CACUL1: variants seen among roughly 807,000 people sequenced by gnomAD.
The protein encoded by CACUL1 is CDK2 associated cullin domain 1.
A neutral mutation model predicts 45.2 loss-of-function variants in CACUL1; 13 were observed. That is an observed-to-expected ratio of 0.29 (90% confidence interval 0.19 to 0.46). The LOEUF is 0.46. CACUL1 is among the 20% of genes least tolerant of loss of function. The pLI is 1.00. For missense variants in CACUL1, 421 were observed against 471.4 expected, an observed-to-expected ratio of 0.89 and a Z score of 0.99; for synonymous variants, 197 against 174.2, an observed-to-expected ratio of 1.13 and a Z score of -1.03.
At chr10:118,709,355 A>G (rs1845463528) in intron 3 of CACUL1, among the ~76,000 whole-genome samples, 1 of 152,218 alleles carries the variant, frequency 6.6e-6, no homozygotes. Flanking sequence ...TGTTTTACAG[A>G]AGTGCATCCA....
At position 118,701,310 on chromosome 10, in the gene CACUL1, T is replaced by G; in HGVS notation, c.792A>C (p.Leu264=). 6.5e-7 allele frequency: 1 copy of G among 1,532,634 alleles called. No individual in the cohort carries two copies. Among genetic ancestry groups the G allele is most frequent in the African/African-American group, 1.4e-5 (1 of 73,582 alleles). The allele number at this position is 1,532,634 out of a possible 1,614,324, so 94.9% of individuals were successfully genotyped here. A position where few individuals can be genotyped will look rare whatever the true frequency, so the allele number is the denominator to read the frequency against. Residue 264 remains leucine, a synonymous_variant, in exon 5 of 9, where the codon CTA becomes CTC. Coordinates refer to ENST00000369151, the MANE Select transcript of CACUL1 (RefSeq NM_153810.5). ...CGTATAAGCTGAATTACTTACGCAT[T>G]AGGCTGTAAATGTGCTTTTCTGCAA... ...EHVAEKHIYS[L]MPLLLEAQST...
Position 118,677,197 on chromosome 10 carries a change from T to C in CACUL1, c.*8931A>G, listed in dbSNP as rs1261369270. 1.3e-5 allele frequency: 2 copies of C among 152,228 alleles called. No individual in the cohort carries two copies. Among genetic ancestry groups the C allele is most frequent in the African/African-American group, 4.8e-5 (2 of 41,454 alleles). The allele number at this position is 152,228 out of a possible 1,614,324, so 9.4% of individuals were successfully genotyped here. A position where few individuals can be genotyped will look rare whatever the true frequency, so the allele number is the denominator to read the frequency against. Reference sequence around the variant, plus strand: ...TTCTATTTTCTAAATTACCTTCCATTGACTTATCTGTTTACCCTGGCATAA... The same window carrying C: ...TTCTATTTTCTAAATTACCTTCCATCGACTTATCTGTTTACCCTGGCATAA... On this transcript the variant is annotated 3_prime_UTR_variant, in exon 9 of 9. Transcript: ENST00000369151.
chr10:118,703,592 C>A (rs562418806), intron 4 of CACUL1, among the ~76,000 whole-genome samples: 1 of 152,066 alleles, frequency 6.6e-6, no homozygotes, highest in South Asian at 2.1e-4. Context: ...CCTAGAGATA[C>A]AATTCTTGAG....
intron 3 of CACUL1, among the ~76,000 whole-genome samples, chr10:118,717,866 T>C (rs1220570144): frequency 6.6e-6 from 1 of 152,024 alleles, no homozygotes; most frequent in African/African-American, 2.4e-5. Flanking sequence ...CCATCCTCCA[T>C]AGCAAGATGT....
chr10:118,724,756 G>A (rs889093248), intron 3 of CACUL1, among the ~76,000 whole-genome samples: 4 of 152,192 alleles, frequency 2.6e-5, no homozygotes, highest in Non-Finnish European at 5.9e-5. Flanking sequence ...AAAGAGGACA[G>A]AGCAAGATAT....
At chr10:118,691,020 C>T (rs1845260155) in intron 7 of CACUL1, among the ~76,000 whole-genome samples, 1 of 152,200 alleles carries the variant, frequency 6.6e-6, no homozygotes, top group Non-Finnish European at 1.5e-5. Context: ...CACTGCATTC[C>T]AGCCTAGAAA....
At chr10:118,743,691 T>C (rs2182306) in intron 1 of CACUL1, among the ~76,000 whole-genome samples, 1,712 of 151,810 alleles carry the variant, frequency 0.011, 18 homozygotes, top group Middle Eastern at 0.027. Flanking sequence ...ATCGCGCCAC[T>C]GCACTCCAGC....
intron 6 of CACUL1, 40 bp downstream of exon 6, chr10:118,695,101 A>C: frequency 8.3e-7 from 1 of 1,208,242 alleles, no homozygotes. Context: ...AAAGGCTGTA[A>C]CAAACAGTTC....
rs1424414436 is a variant in CACUL1, at chr10:118,682,464, G to A, written c.*3664C>T. On this transcript the variant is annotated 3_prime_UTR_variant, in exon 9 of 9. Transcript: ENST00000369151. ...AAGGCAAAATCTGGAGGGGTTACTC[G>A]GCTTAAAAAGAGATTAACCAGGATT... 5.9e-5 allele frequency: 9 copies of A among 152,500 alleles called. No homozygotes were observed. The highest frequency in any genetic ancestry group is 1.2e-4 in the Non-Finnish European group (8 of 68,032). 9.4% of individuals were successfully genotyped at this position (152,500 alleles called of 1,614,324 possible). A position where few individuals can be genotyped will look rare whatever the true frequency, so the allele number is the denominator to read the frequency against.
chr10:118,698,154 T>G lies in CACUL1; in HGVS notation c.797-2924A>C, dbSNP rs564574015. On this transcript the variant is annotated intron_variant, in intron 5 of 8. Coordinates refer to ENST00000369151, the MANE Select transcript of CACUL1 (RefSeq NM_153810.5). ...TTCTGACAAACCTCTTTTGCTTTTT[T>G]TTTTTTTTTTGAGACGGAGTCTCAC... Among the ~76,000 whole-genome samples the G allele has an allele frequency of 4.0e-5, 6 of 151,836 alleles. No homozygotes were observed. The East Asian group carries it at 9.6e-4, about 24-fold the overall frequency.
chr10:118,749,100 A>G (rs1845871818), intron 1 of CACUL1, among the ~76,000 whole-genome samples: 1 of 152,214 alleles, frequency 6.6e-6, no homozygotes, highest in Non-Finnish European at 1.5e-5. Context: ...GTCCTTCACC[A>G]ACTGAGAAAT....
chr10:118,707,929 C>G (rs889439374), intron 3 of CACUL1, among the ~76,000 whole-genome samples: 4 of 152,066 alleles, frequency 2.6e-5, no homozygotes, highest in African/African-American at 9.7e-5. Flanking sequence ...GTGTGGATCA[C>G]TTGAGGTCAG....
chr10:118,738,892 TAAAAAAAAA>T (rs150393133), intron 1 of CACUL1, among the ~76,000 whole-genome samples: 7 of 62,258 alleles, frequency 1.1e-4, no homozygotes, highest in South Asian at 7.7e-4. Context: ...CAAGTGCTCT[TAAAAAAAAA>T]AAAAAAAAAA....
At chr10:118,753,100 C>T (rs1564841474) in intron 1 of CACUL1, among the ~76,000 whole-genome samples, 1 of 152,324 alleles carries the variant, frequency 6.6e-6, no homozygotes, top group Admixed American at 6.5e-5. Context: ...TTTACTAAGG[C>T]AATCTTCCTT....
chr10:118,715,981 A>T (rs1422687514), intron 3 of CACUL1, among the ~76,000 whole-genome samples: 5 of 152,226 alleles, frequency 3.3e-5, no homozygotes, highest in Non-Finnish European at 4.4e-5. Context: ...TCACACCTGT[A>T]ATCCCAGCAC....
chr10:118,717,554 T>C (rs1275606852), intron 3 of CACUL1, among the ~76,000 whole-genome samples: 5 of 152,194 alleles, frequency 3.3e-5, no homozygotes, highest in Non-Finnish European at 7.3e-5. Context: ...AAGGTTTCTT[T>C]AACTTACATC....
chr10:118,703,124 A>G (rs1845399506), intron 4 of CACUL1, among the ~76,000 whole-genome samples: 1 of 152,194 alleles, frequency 6.6e-6, no homozygotes, highest in African/African-American at 2.4e-5. Flanking sequence ...CTCTCTTTAA[A>G]AAAATATATA....
rs541130176 is a variant in CACUL1 at position 118,678,899 on chromosome 10, A to G, written c.*7229T>C. 5.9e-5 allele frequency: 9 copies of G among 152,330 alleles called. No homozygotes were observed. Among genetic ancestry groups the G allele is most frequent in the Admixed American group, 2.6e-4 (4 of 15,304 alleles). The allele number at this position is 152,330 out of a possible 1,614,324, so 9.4% of individuals were successfully genotyped here. ...ACTATTTAAATCTTCTATGTCCTTA[A>G]TAATCTTCATAATTTAGTCTCTGCA... is the stretch of plus-strand genomic sequence containing the variant. On this transcript the variant is annotated 3_prime_UTR_variant, in exon 9 of 9. Coordinates refer to ENST00000369151, the MANE Select transcript of CACUL1 (RefSeq NM_153810.5).
intron 3 of CACUL1, among the ~76,000 whole-genome samples, chr10:118,708,064 A>G (rs1845449728): frequency 6.7e-6 from 1 of 148,290 alleles, no homozygotes; most frequent in African/African-American, 2.5e-5. Flanking sequence ...CAGGAGAATC[A>G]CTTGAACCTG....
Sources: allele counts gnomAD v4.1 joint callset (sites outside exome capture counted in the v4.1 genomes callset), GRCh38; gene constraint gnomAD v4.1.1; transcripts MANE v1.5; gene names NCBI Gene and HGNC (gene_info 2026-07-23, HGNC 2026-07-21).